SUGCT: variants seen among roughly 807,000 people sequenced by gnomAD.
The protein encoded by SUGCT is succinyl-CoA:glutarate-CoA transferase.
A neutral mutation model predicts 55.0 loss-of-function variants in SUGCT; 41 were observed. That is an observed-to-expected ratio of 0.74 (90% CI 0.58 to 0.97). The LOEUF (loss-of-function observed/expected upper bound fraction) is 0.97. Among genes scored for constraint, SUGCT ranks in the 50% least tolerant of loss-of-function variants. The pLI is 0.00. For synonymous variants in SUGCT, 187 were observed against 200.4 expected (o/e 0.93, Z 0.56); for missense variants, 568 against 547.8 (o/e 1.04, Z -0.37).
intron 7 of SUGCT, among the ~76,000 whole-genome samples, chr7:40,270,019 C>G (rs1374692729): frequency 1.3e-5 from 2 of 151,550 alleles, no homozygotes; most frequent in Non-Finnish European, 2.9e-5. Flanking sequence ...GCCTGTGGTC[C>G]CAGCTACACG....
At chr7:40,363,679 A>C (rs1305943455) in intron 9 of SUGCT, among the ~76,000 whole-genome samples, 1 of 152,116 alleles carries the variant, frequency 6.6e-6, no homozygotes, top group African/African-American at 2.4e-5. Context: ...TCTGAGAGAC[A>C]GTTTGTTATA....
intron 8 of SUGCT, among the ~76,000 whole-genome samples, chr7:40,285,838 A>G (rs1001328178): frequency 2.0e-5 from 3 of 152,204 alleles, no homozygotes; most frequent in African/African-American, 7.2e-5. Flanking sequence ...TTACCTGGAG[A>G]GCTTAGCAAT....
At chr7:40,697,086 G>A (rs773488906) in intron 12 of SUGCT, among the ~76,000 whole-genome samples, 5 of 151,914 alleles carry the variant, frequency 3.3e-5, no homozygotes, top group Non-Finnish European at 7.4e-5. Context: ...ACACTCACAC[G>A]TAACACACAC....
intron 6 of SUGCT, among the ~76,000 whole-genome samples, chr7:40,210,228 A>G (rs1301545524): frequency 2.0e-5 from 3 of 151,604 alleles, no homozygotes; most frequent in African/African-American, 7.3e-5. Context: ...TTGTATTTTT[A>G]GTAGAGACAG....
intron 12 of SUGCT, among the ~76,000 whole-genome samples, chr7:40,611,828 G>T (rs1049166176): frequency 5.9e-5 from 9 of 152,114 alleles, no homozygotes; most frequent in Non-Finnish European, 4.4e-5. Context: ...GACATAGACA[G>T]GTTAAAGAAG....
At chr7:40,297,938 T>C (rs543909177) in intron 8 of SUGCT, among the ~76,000 whole-genome samples, 109 of 152,248 alleles carry the variant, frequency 7.2e-4, no homozygotes, top group Non-Finnish European at 1.4e-3. Flanking sequence ...ACACATGATA[T>C]TGTTTTCCTC....
At chr7:40,499,812 C>G (rs1311050318) in intron 12 of SUGCT, among the ~76,000 whole-genome samples, 2 of 151,950 alleles carry the variant, frequency 1.3e-5, no homozygotes, top group Admixed American at 6.6e-5. Flanking sequence ...TTTAATCAAG[C>G]CAAGATTGTG....
the SUGCT span, among the ~76,000 whole-genome samples, chr7:40,909,134 G>C: frequency 2.0e-5 from 3 of 152,142 alleles, no homozygotes; most frequent in African/African-American, 7.2e-5. Flanking sequence ...TTAAGTAAAA[G>C]AGAGTGGAGA....
At chr7:40,257,473 C>T (rs1790886537) in intron 7 of SUGCT, among the ~76,000 whole-genome samples, 1 of 151,618 alleles carries the variant, frequency 6.6e-6, no homozygotes, top group Non-Finnish European at 1.5e-5. Context: ...GAAAACATTT[C>T]AAAGAAATGT....
intron 12 of SUGCT, 40 bp downstream of exon 12, chr7:40,496,426 C>T (rs1279653151): frequency 7.3e-7 from 1 of 1,360,758 alleles, no homozygotes; most frequent in East Asian, 2.3e-5. Context: ...GTTTTCTGTC[C>T]AGATTGACTT....
the SUGCT span, among the ~76,000 whole-genome samples, chr7:40,959,749 T>C: frequency 2.0e-5 from 3 of 150,048 alleles, no homozygotes; most frequent in Non-Finnish European, 4.4e-5. Context: ...GCTAGCTTGG[T>C]GTCTGCCCAA....
intron 12 of SUGCT, among the ~76,000 whole-genome samples, chr7:40,650,776 A>G (rs1452778926): frequency 6.6e-6 from 1 of 152,106 alleles, no homozygotes; most frequent in Non-Finnish European, 1.5e-5. Context: ...GCACAGGTAA[A>G]TGTGTGCCAT....
the SUGCT span, among the ~76,000 whole-genome samples, chr7:41,008,188 G>A: frequency 6.6e-6 from 1 of 152,224 alleles, no homozygotes; most frequent in African/African-American, 2.4e-5. Flanking sequence ...GCCTGTGGGA[G>A]GGAGGCGCCC....
At chr7:40,401,697 C>T (rs1381219143) in intron 9 of SUGCT, among the ~76,000 whole-genome samples, 1 of 152,112 alleles carries the variant, frequency 6.6e-6, no homozygotes, top group Non-Finnish European at 1.5e-5. Flanking sequence ...TAGTTAGAAA[C>T]TAGTTTAATA....
chr7:40,995,705 A>G, the SUGCT span, among the ~76,000 whole-genome samples: 2 of 151,816 alleles, frequency 1.3e-5, no homozygotes, highest in African/African-American at 4.8e-5. Flanking sequence ...AATGGCTAGC[A>G]TTTCTATATG....
chr7:40,537,766 C>T (rs1469304061), intron 12 of SUGCT, among the ~76,000 whole-genome samples: 1 of 152,160 alleles, frequency 6.6e-6, no homozygotes, highest in East Asian at 1.9e-4. Context: ...ACTATCTGAT[C>T]ATGAAAATGT....
At chr7:40,185,556 C>A (rs1785455168) in intron 3 of SUGCT, among the ~76,000 whole-genome samples, 1 of 152,016 alleles carries the variant, frequency 6.6e-6, no homozygotes, top group African/African-American at 2.4e-5. Context: ...ACTTTTCGCT[C>A]TTCTTGCCCA....
At chr7:40,228,920 A>G (rs750498823) in intron 6 of SUGCT, among the ~76,000 whole-genome samples, 4 of 151,958 alleles carry the variant, frequency 2.6e-5, no homozygotes, top group Non-Finnish European at 4.4e-5. Flanking sequence ...TATTGCAATT[A>G]TTATCCTTCT....
At position 40,635,051 on chromosome 7, in the gene SUGCT, C is replaced by T. The variant is rs537999809; in HGVS notation, c.1090-114383C>T. Among the ~76,000 whole-genome samples, 94 of 152,108 alleles carry T rather than the reference C, an allele frequency of 6.2e-4. 1 individual carries two copies. Among genetic ancestry groups the T allele is most frequent in the African/African-American group, 2.1e-3 (86 of 41,512 alleles). ...CTGCAATCCCAGCACTTTGGGAGGC[C>T]GAGGCAGGTGGATCACTTAAGGCCA... is the stretch of plus-strand genomic sequence containing the variant. On this transcript the variant is annotated intron_variant, in intron 12 of 13. Coordinates refer to ENST00000335693, the MANE Select transcript of SUGCT (RefSeq NM_001193313.2).
Sources: gnomAD v4.1 joint callset for allele counts (sites outside exome capture counted in the v4.1 genomes callset) on GRCh38, gnomAD v4.1.1 for gene constraint, MANE v1.5 for transcripts, NCBI Gene and HGNC (gene_info 2026-07-23, HGNC 2026-07-21) for gene names.